FAM13A: variants seen among roughly 807,000 people sequenced by gnomAD.
The protein encoded by FAM13A is family with sequence similarity 13 member A, also known as protein FAM13A.
In FAM13A, 76 loss-of-function variants were observed where a neutral mutation model predicts 129.6. That is an observed-to-expected ratio of 0.59 (90% CI 0.49 to 0.71). The LOEUF is 0.71. Among genes scored for constraint, FAM13A ranks in the 30% least tolerant of loss-of-function variants. FAM13A has a pLI of 0.00. For synonymous variants in FAM13A, 443 were observed against 449.9 expected (o/e 0.98, Z 0.20); for missense variants, 1,108 against 1,249.3 (o/e 0.89, Z 1.70).
chr4:89,015,149 A>G (rs1043443239), intron 3 of FAM13A, among the ~76,000 whole-genome samples: 3 of 152,144 alleles, frequency 2.0e-5, no homozygotes, highest in Non-Finnish European at 4.4e-5. Flanking sequence ...TTTTGGTCAG[A>G]CTGGTTGTCT....
intron 7 of FAM13A, among the ~76,000 whole-genome samples, chr4:88,827,490 T>C (rs1733201218): frequency 6.6e-6 from 1 of 152,204 alleles, no homozygotes; most frequent in Non-Finnish European, 1.5e-5. Context: ...GAATAGTGCC[T>C]GGCAAATAGT....
At chr4:88,956,718 G>A (rs528105022) in intron 4 of FAM13A, among the ~76,000 whole-genome samples, 158 of 152,228 alleles carry the variant, frequency 1.0e-3, no homozygotes, top group African/African-American at 3.2e-3. Context: ...TCCTTCCTAG[G>A]GGAGAATCTG....
At chr4:89,035,507 GA>G (rs1183957282) in intron 1 of FAM13A, among the ~76,000 whole-genome samples, 1 of 151,268 alleles carries the variant, frequency 6.6e-6, no homozygotes, top group African/African-American at 2.4e-5. Flanking sequence ...GGAGGGAAGG[GA>G]AAAAAAGAAA....
Position 89,057,098 on chromosome 4 carries a change from A to AGGTAAGGCCCCAAT in FAM13A, c.-135_-134insATTGGGGCCTTACC, listed in dbSNP as rs1772287848. 1.2e-5 allele frequency: 18 copies of AGGTAAGGCCCCAAT among 1,489,590 alleles called. No homozygotes were observed. The highest frequency in any genetic ancestry group is 1.5e-5 in the Non-Finnish European group (17 of 1,122,994). 92.3% of individuals were successfully genotyped at this position (1,489,590 alleles called of 1,614,324 possible). A position where few individuals can be genotyped will look rare whatever the true frequency, so the allele number is the denominator to read the frequency against. On this transcript the variant is annotated 5_prime_UTR_variant, in exon 1 of 24. The change abolishes the stop of an existing upstream ORF in the 5' untranslated region. Coordinates refer to ENST00000264344, the MANE Select transcript of FAM13A (RefSeq NM_014883.4). ...CTCCCAATGCAAAGGCCCCAAGGTA[A>AGGTAAGGCCCCAAT]GCGAAGAGCAGCTTCTAACATTTTA...
At chr4:88,894,658 A>C (rs1266582453) in intron 6 of FAM13A, among the ~76,000 whole-genome samples, 1 of 152,120 alleles carries the variant, frequency 6.6e-6, no homozygotes, top group Non-Finnish European at 1.5e-5. Context: ...AGTAGCTGAG[A>C]TTACAGGCAT....
At chr4:89,011,407 CTATT>C (rs1415549652) in intron 3 of FAM13A, among the ~76,000 whole-genome samples, 1 of 152,144 alleles carries the variant, frequency 6.6e-6, no homozygotes, top group African/African-American at 2.4e-5. Context: ...TCATTGTCCA[CTATT>C]TATCTGATAC....
At chr4:88,749,962 T>A (rs1742214693) in intron 15 of FAM13A, 53 bp from the exon 16 acceptor site, 2 of 1,598,128 alleles carry the variant, frequency 1.3e-6, no homozygotes, top group Admixed American at 3.4e-5. Flanking sequence ...ACTGCTTGCC[T>A]AGAGGGGCCC....
At chr4:88,905,891 C>G (rs144447279) in intron 6 of FAM13A, among the ~76,000 whole-genome samples, 1 of 152,234 alleles carries the variant, frequency 6.6e-6, no homozygotes, top group East Asian at 1.9e-4. Flanking sequence ...CAGATCCTCC[C>G]GCAACACTCC....
At chr4:88,847,307 C>G (rs538285435) in intron 7 of FAM13A, among the ~76,000 whole-genome samples, 1 of 151,882 alleles carries the variant, frequency 6.6e-6, no homozygotes, top group Non-Finnish European at 1.5e-5. Flanking sequence ...TGGTGGATCG[C>G]TTGAGCTCAG....
intron 8 of FAM13A, among the ~76,000 whole-genome samples, chr4:88,800,982 C>T (rs1727345250): frequency 6.6e-6 from 1 of 151,778 alleles, no homozygotes; most frequent in Non-Finnish European, 1.5e-5. Flanking sequence ...ATTTAGAAAA[C>T]ATACAATATG....
chr4:88,737,428 A>G lies in FAM13A; in HGVS notation c.2646+44T>C, dbSNP rs995149894. On this transcript the variant is annotated intron_variant, in intron 21 of 23. Coordinates refer to ENST00000264344, the MANE Select transcript of FAM13A (RefSeq NM_014883.4). ...CCGGAGGGGAGGGGAGGAGGGAGGG[A>G]ACTGGTGCGGATTTAGCAATGGGTT... The G allele has an allele frequency of 2.0e-6, 3 of 1,525,254 alleles. No individual in the cohort carries two copies. The African/African-American group carries it at 4.1e-5, about 21-fold the overall frequency. The allele number at this position is 1,525,254 out of a possible 1,614,324, so 94.5% of individuals were successfully genotyped here. A position where few individuals can be genotyped will look rare whatever the true frequency, so the allele number is the denominator to read the frequency against.
At chr4:89,029,756 G>T in intron 1 of FAM13A, 107 bp from the exon 2 acceptor site, 1 of 937,148 alleles carries the variant, frequency 1.1e-6, no homozygotes. Context: ...ATGAATAGTT[G>T]TGGTCTTATT....
In FAM13A at chr4:88,856,326, A is replaced by T. The variant is rs534324334; in HGVS notation, c.844-5143T>A. ...GAGACCCTGTCTCTACAAAATAATT[A>T]AAAAAAAAATAGCCAGGCCTTGTAG... On this transcript the variant is annotated intron_variant, in intron 6 of 23. Coordinates refer to ENST00000264344, the MANE Select transcript of FAM13A (RefSeq NM_014883.4). Among the ~76,000 whole-genome samples, 7 of 146,220 alleles carry T rather than the reference A, an allele frequency of 4.8e-5. No homozygotes were observed. In the South Asian group the frequency reaches 8.6e-4, roughly 18 times the overall value.
intron 5 of FAM13A, among the ~76,000 whole-genome samples, chr4:88,912,985 A>AAAGAAGAAGAAAGAAGG (rs1749333122): frequency 6.6e-6 from 1 of 151,218 alleles, no homozygotes; most frequent in Non-Finnish European, 1.5e-5. Flanking sequence ...AAGAAAGAAG[A>AAAGAAGAAGAAAGAAGG]AAGAAGAAGA....
chr4:88,955,485 T>A (rs1242545613), intron 4 of FAM13A, among the ~76,000 whole-genome samples: 1 of 152,136 alleles, frequency 6.6e-6, no homozygotes, highest in Non-Finnish European at 1.5e-5. Context: ...AGTAAATTGG[T>A]ACCGGGTAGT....
chr4:88,956,904 C>G (rs574462143), intron 4 of FAM13A, among the ~76,000 whole-genome samples: 1 of 152,146 alleles, frequency 6.6e-6, no homozygotes, highest in African/African-American at 2.4e-5. Flanking sequence ...ATTATAACCC[C>G]AAATGTTGGA....
At chr4:88,786,846 G>A (rs1340166110) in intron 10 of FAM13A, among the ~76,000 whole-genome samples, 2 of 151,772 alleles carry the variant, frequency 1.3e-5, no homozygotes, top group Non-Finnish European at 2.9e-5. Flanking sequence ...AAAAGAATGC[G>A]AATGAGGGGT....
At chr4:88,966,566 T>C (rs1759379074) in intron 4 of FAM13A, among the ~76,000 whole-genome samples, 2 of 152,222 alleles carry the variant, frequency 1.3e-5, no homozygotes, top group Non-Finnish European at 2.9e-5. Flanking sequence ...TTTATTTTTT[T>C]CATTTCATTT....
intron 6 of FAM13A, among the ~76,000 whole-genome samples, chr4:88,875,091 T>C (rs990643679): frequency 6.6e-6 from 1 of 152,184 alleles, no homozygotes; most frequent in African/African-American, 2.4e-5. Context: ...TAGCCATATG[T>C]AGAAAGCTGA....
Sources: gnomAD v4.1 joint callset for allele counts (sites outside exome capture counted in the v4.1 genomes callset) on GRCh38, gnomAD v4.1.1 for gene constraint, MANE v1.5 for transcripts, NCBI Gene and HGNC (gene_info 2026-07-23, HGNC 2026-07-21) for gene names.